RBFOX1: variants seen among roughly 807,000 people sequenced by gnomAD.
The protein encoded by RBFOX1 is RNA binding fox-1 homolog 1, also known as RNA binding protein fox-1 homolog 1.
In RBFOX1, 8 loss-of-function variants were observed where a neutral mutation model predicts 57.7. The ratio of observed to expected loss-of-function variants is 0.14; its 90% confidence interval spans 0.08 to 0.25. The LOEUF (loss-of-function observed/expected upper bound fraction) is 0.25, where lower values mean the gene tolerates loss of function less well. RBFOX1 is among the 10% of genes least tolerant of loss of function. The pLI, the probability that RBFOX1 is intolerant of heterozygous loss-of-function variation, is 1.00. For synonymous variants in RBFOX1, 326 were observed against 222.4 expected, an observed-to-expected ratio of 1.47 and a Z score of -4.15; for missense variants, 611 against 548.5, an observed-to-expected ratio of 1.11 and a Z score of -1.14.
intron 3 of RBFOX1, among the ~76,000 whole-genome samples, chr16:6,877,554 C>A (rs944160981): frequency 2.0e-5 from 3 of 152,148 alleles, no homozygotes; most frequent in African/African-American, 7.2e-5. Context: ...GGAACAACTT[C>A]TGAATTCACA....
At chr16:6,580,594 G>A (rs944901852) in intron 2 of RBFOX1, among the ~76,000 whole-genome samples, 1 of 152,160 alleles carries the variant, frequency 6.6e-6, no homozygotes. Flanking sequence ...GTCACAGGGG[G>A]GGATGCATAA....
chr16:7,078,982 T>C (rs868294154), intron 4 of RBFOX1, among the ~76,000 whole-genome samples: 5 of 148,264 alleles, frequency 3.4e-5, no homozygotes, highest in Middle Eastern at 3.2e-3. Flanking sequence ...AGACCCTATT[T>C]TCAAATGAGG....
At chr16:7,032,963 G>A (rs1188671368) in intron 3 of RBFOX1, among the ~76,000 whole-genome samples, 1 of 152,160 alleles carries the variant, frequency 6.6e-6, no homozygotes. Flanking sequence ...GGGAGACAGT[G>A]TGAGTCAGCA....
At chr16:6,752,405 G>T (rs190224377) in intron 3 of RBFOX1, among the ~76,000 whole-genome samples, 1 of 152,236 alleles carries the variant, frequency 6.6e-6, no homozygotes, top group Admixed American at 6.5e-5. Flanking sequence ...GCAAGAAATT[G>T]GCCACAAGGA....
intron 2 of RBFOX1, among the ~76,000 whole-genome samples, chr16:6,586,167 C>T (rs2097612427): frequency 6.6e-6 from 1 of 152,170 alleles, no homozygotes; most frequent in Non-Finnish European, 1.5e-5. Flanking sequence ...GTCCAGAAGG[C>T]AGCCGTAGGC....
intron 2 of RBFOX1, among the ~76,000 whole-genome samples, chr16:6,427,528 G>C (rs2152998647): frequency 6.6e-6 from 1 of 152,260 alleles, no homozygotes; most frequent in East Asian, 1.9e-4. Context: ...AGAGGCGTAT[G>C]TATGGACATT....
At chr16:6,758,404 T>A in intron 3 of RBFOX1, among the ~76,000 whole-genome samples, 1 of 152,186 alleles carries the variant, frequency 6.6e-6, no homozygotes, top group Non-Finnish European at 1.5e-5. Flanking sequence ...CAAAGCTATT[T>A]GTCATAGCAA....
intron 1 of RBFOX1, among the ~76,000 whole-genome samples, chr16:5,387,378 G>C (rs942712564): frequency 2.0e-5 from 3 of 152,140 alleles, no homozygotes; most frequent in African/African-American, 7.2e-5. Flanking sequence ...GGCCCTCCAA[G>C]TTGGCATGGT....
chr16:6,690,720 G>A (rs2060083677), intron 3 of RBFOX1, among the ~76,000 whole-genome samples: 2 of 150,418 alleles, frequency 1.3e-5, no homozygotes, highest in South Asian at 4.2e-4. Flanking sequence ...TCTAACTCCA[G>A]GATATTTCAA....
intron 3 of RBFOX1, among the ~76,000 whole-genome samples, chr16:5,658,534 T>A (rs548685305): frequency 2.0e-5 from 3 of 152,090 alleles, no homozygotes; most frequent in Non-Finnish European, 4.4e-5. Context: ...GGTCATTCGT[T>A]CTCTGGGTAT....
intron 4 of RBFOX1, among the ~76,000 whole-genome samples, chr16:7,446,855 C>G: frequency 8.1e-6 from 1 of 123,422 alleles, no homozygotes; most frequent in African/African-American, 3.2e-5. Context: ...CTCTGTCACC[C>G]AGGCTGCAGT....
chr16:7,352,083 C>T (rs945573590), intron 4 of RBFOX1, among the ~76,000 whole-genome samples: 1 of 152,118 alleles, frequency 6.6e-6, no homozygotes, highest in Non-Finnish European at 1.5e-5. Flanking sequence ...TATGGTCTTG[C>T]AATTGCGGGG....
chr16:5,432,559 G>GTTTTTTTTTTTTTTTTTTGTTTTTTTTTT (rs35344614), intron 1 of RBFOX1, among the ~76,000 whole-genome samples: 1 of 94,218 alleles, frequency 1.1e-5, no homozygotes, highest in African/African-American at 4.0e-5. Flanking sequence ...TTGTTTGTTT[G>GTTTTTTTTTTTTTTTTTTGTTTTTTTTTT]TTTTTTTTTT....
At chr16:6,162,252 G>C (rs888599019) in intron 1 of RBFOX1, among the ~76,000 whole-genome samples, 7 of 152,070 alleles carry the variant, frequency 4.6e-5, no homozygotes, top group Admixed American at 4.6e-4. Flanking sequence ...CTAGTAGCTG[G>C]GATTACAGGC....
intron 3 of RBFOX1, among the ~76,000 whole-genome samples, chr16:6,832,705 C>T (rs1221461344): frequency 6.6e-6 from 1 of 152,198 alleles, no homozygotes; most frequent in African/African-American, 2.4e-5. Flanking sequence ...TCCACTTGCC[C>T]TTTTTCCATT....
At chr16:6,444,747 G>A (rs1233007096) in intron 2 of RBFOX1, among the ~76,000 whole-genome samples, 1 of 152,142 alleles carries the variant, frequency 6.6e-6, no homozygotes, top group Non-Finnish European at 1.5e-5. Context: ...CTGTGTGGCT[G>A]AGGAGAGAAA....
chr16:6,996,425 C>G (rs1275172248), intron 3 of RBFOX1, among the ~76,000 whole-genome samples: 1 of 152,042 alleles, frequency 6.6e-6, no homozygotes, highest in Non-Finnish European at 1.5e-5. Context: ...GGATACACAT[C>G]TAGATGTGTT....
intron 1 of RBFOX1, among the ~76,000 whole-genome samples, chr16:6,052,259 G>T (rs901868042): frequency 3.3e-5 from 5 of 151,796 alleles, no homozygotes; most frequent in African/African-American, 1.2e-4. Context: ...TTCTTACTTC[G>T]TTCCTGCTGC....
chr16:6,827,067 T>C (rs1195950426), intron 3 of RBFOX1, among the ~76,000 whole-genome samples: 1 of 152,194 alleles, frequency 6.6e-6, no homozygotes, highest in East Asian at 1.9e-4. Flanking sequence ...GGATAAAAAG[T>C]GAAGATTTCT....
Sources: allele counts gnomAD v4.1 joint callset (sites outside exome capture counted in the v4.1 genomes callset), GRCh38; gene constraint gnomAD v4.1.1; transcripts MANE v1.5; gene names NCBI Gene and HGNC (gene_info 2026-07-23, HGNC 2026-07-21).